The following CAPN7 variants were observed in gnomAD, a reference collection of about 807,000 sequenced individuals.
CAPN7 encodes calpain-7.
CAPN7 carries 72 observed loss-of-function variants against 115.2 expected under a neutral mutation model. That is an observed-to-expected ratio of 0.63 (90% confidence interval 0.52 to 0.76). The LOEUF (loss-of-function observed/expected upper bound fraction) is 0.76. CAPN7 is among the 30% of genes least tolerant of loss of function. The probability of loss-of-function intolerance (pLI) is 0.00; values close to 1 mark genes in which losing one functional copy is unlikely to be tolerated. For missense variants in CAPN7, 905 were observed against 971.5 expected (o/e 0.93, Z 0.91); for synonymous variants, 344 against 322.3 (o/e 1.07, Z -0.72).
At chr3:15,247,704 GAA>G (rs1290603258) in intron 19 of CAPN7, among the ~76,000 whole-genome samples, 1 of 152,016 alleles carries the variant, frequency 6.6e-6, no homozygotes, top group African/African-American at 2.4e-5. Context: ...ACCTAAATGT[GAA>G]AGGCAAAACA....
At position 15,217,531 on chromosome 3, in the gene CAPN7, TGAA is replaced by T. The variant is rs1465734282; in HGVS notation, c.321_323del (p.Glu107del). 1.2e-6 allele frequency: 2 copies of T among 1,613,932 alleles called. No homozygotes were observed. Among genetic ancestry groups the T allele is most frequent in the Non-Finnish European group, 1.7e-6 (2 of 1,179,900 alleles). ...TTGATGAAGATGAAAAAGAGAATGT[TGAA>T]GATGCTATAGAATTGTACACAGAAG... On this transcript the variant is annotated inframe_deletion, in exon 3 of 21. Coordinates refer to ENST00000253693, the MANE Select transcript of CAPN7 (RefSeq NM_014296.3).
chr3:15,210,352 T>C (rs2044861248), intron 1 of CAPN7, among the ~76,000 whole-genome samples: 1 of 152,188 alleles, frequency 6.6e-6, no homozygotes, highest in Admixed American at 6.5e-5. Flanking sequence ...ATATGTGTAT[T>C]ATATACTTAT....
intron 9 of CAPN7, among the ~76,000 whole-genome samples, chr3:15,231,750 G>A (rs4117790): frequency 2.0e-4 from 30 of 152,044 alleles, no homozygotes; most frequent in African/African-American, 6.5e-4. Flanking sequence ...GGATGGTCTC[G>A]ATCTCCTGAC....
chr3:15,243,608 G>A (rs1048637445), intron 16 of CAPN7, among the ~76,000 whole-genome samples: 9 of 152,136 alleles, frequency 5.9e-5, no homozygotes, highest in Admixed American at 2.0e-4. Flanking sequence ...TGATGAAACA[G>A]TGAGGTTTCA....
At chr3:15,208,651 A>G (rs918146495) in intron 1 of CAPN7, among the ~76,000 whole-genome samples, 4 of 152,024 alleles carry the variant, frequency 2.6e-5, no homozygotes, top group African/African-American at 9.7e-5. Context: ...TTGTTTTTTC[A>G]ACATCATAAG....
intron 2 of CAPN7, among the ~76,000 whole-genome samples, chr3:15,212,483 A>T (rs538954284): frequency 1.1e-4 from 17 of 152,336 alleles, no homozygotes; most frequent in South Asian, 1.0e-3. Context: ...ACAATTTATC[A>T]TTGGCAAAGT....
rs1696044132 is a variant in CAPN7 at position 15,252,474 on chromosome 3, T to G, written c.*1214T>G. 1 of 152,486 alleles carries G rather than the reference T, an allele frequency of 6.6e-6. No homozygotes were observed. Among genetic ancestry groups the G allele is most frequent in the Admixed American group, 6.5e-5 (1 of 15,290 alleles). 9.4% of individuals were successfully genotyped at this position (152,486 alleles called of 1,614,324 possible). ...TTTCACTTTGGTAAATACTTCATGCTTTCAGTTTTAGCCTATTAATTTTAG... is the reference window on the plus strand; with the variant it reads ...TTTCACTTTGGTAAATACTTCATGCGTTCAGTTTTAGCCTATTAATTTTAG... On this transcript the variant is annotated 3_prime_UTR_variant, in exon 21 of 21. Coordinates refer to ENST00000253693, the MANE Select transcript of CAPN7 (RefSeq NM_014296.3).
At chr3:15,213,153 C>A (rs1363411261) in intron 2 of CAPN7, among the ~76,000 whole-genome samples, 1 of 152,190 alleles carries the variant, frequency 6.6e-6, no homozygotes, top group Non-Finnish European at 1.5e-5. Context: ...AAGGAACTTT[C>A]TTTTCCCAGC....
chr3:15,222,055 A>G (rs1694031223), intron 5 of CAPN7, among the ~76,000 whole-genome samples: 1 of 148,698 alleles, frequency 6.7e-6, no homozygotes, highest in Admixed American at 6.7e-5. Flanking sequence ...TTTCTTTGAA[A>G]GGTTTTACAT....
At chr3:15,207,676 G>A (rs2044707677) in intron 1 of CAPN7, among the ~76,000 whole-genome samples, 2 of 149,880 alleles carry the variant, frequency 1.3e-5, no homozygotes, top group Non-Finnish European at 3.0e-5. Context: ...AAAAACTAAG[G>A]CACACGTTAG....
In CAPN7 at chr3:15,216,658, A is replaced by G. The variant is rs1183656720; in HGVS notation, c.212-767A>G. Among the ~76,000 whole-genome samples, 3 of 152,204 alleles carry G rather than the reference A, an allele frequency of 2.0e-5. No homozygotes were observed. The East Asian group carries it at 5.8e-4, about 29-fold the overall frequency. On this transcript the variant is annotated intron_variant, in intron 2 of 20. Coordinates refer to ENST00000253693, the MANE Select transcript of CAPN7 (RefSeq NM_014296.3). ...GAACTTTATCATCAGAGCCTAGTATATTACACAATTTTGTCTGTGCAGAAA... is the reference window on the plus strand; with the variant it reads ...GAACTTTATCATCAGAGCCTAGTATGTTACACAATTTTGTCTGTGCAGAAA...
At position 15,245,521 on chromosome 3, in the gene CAPN7, T is replaced by A; in HGVS notation, c.1865-5T>A. On this transcript the variant is annotated splice_polypyrimidine_tract_variant and splice_region_variant and intron_variant, in intron 16 of 20. Transcript: ENST00000253693. ...TTTTCTCTAAGCCTACTTGTTTGTT[T>A]GCAGCTGACCCACCTCCATACATTG... 2 of 1,609,366 alleles carry A rather than the reference T, an allele frequency of 1.2e-6. No homozygotes were observed. Among genetic ancestry groups the A allele is most frequent in the Non-Finnish European group, 8.5e-7 (1 of 1,178,302 alleles).
chr3:15,215,420 G>A (rs1211575439), intron 2 of CAPN7, among the ~76,000 whole-genome samples: 1 of 152,146 alleles, frequency 6.6e-6, no homozygotes, highest in Non-Finnish European at 1.5e-5. Context: ...CCAGAGTTGT[G>A]CAGTCATCCC....
intron 19 of CAPN7, among the ~76,000 whole-genome samples, chr3:15,249,604 T>A (rs1165769428): frequency 6.9e-6 from 1 of 145,918 alleles, no homozygotes; most frequent in African/African-American, 2.8e-5. Context: ...TTAAGAGTTT[T>A]TTTCTAAATT....
chr3:15,208,622 C>T (rs1377537935), intron 1 of CAPN7, among the ~76,000 whole-genome samples: 2 of 152,114 alleles, frequency 1.3e-5, no homozygotes, highest in East Asian at 3.8e-4. Context: ...TTTACAGACT[C>T]TTGGGCATTC....
chr3:15,249,514 T>G (rs1695874577), intron 19 of CAPN7, among the ~76,000 whole-genome samples: 1 of 152,212 alleles, frequency 6.6e-6, no homozygotes, highest in Non-Finnish European at 1.5e-5. Flanking sequence ...TTTCACCATA[T>G]TCTGATTATT....
intron 6 of CAPN7, among the ~76,000 whole-genome samples, chr3:15,227,107 G>GT (rs1193912128): frequency 1.1e-4 from 14 of 122,154 alleles, no homozygotes; most frequent in Non-Finnish European, 2.3e-4. Context: ...GACCTCAACT[G>GT]TTAAAAAAAA....
chr3:15,230,607 C>A (rs1694626786), intron 9 of CAPN7, 72 bp downstream of exon 9: 2 of 887,006 alleles, frequency 2.3e-6, no homozygotes, highest in Non-Finnish European at 3.7e-6. Flanking sequence ...TGAGTGAAAT[C>A]ATTAAGAAAT....
chr3:15,217,696 AT>A, intron 3 of CAPN7, 114 bp downstream of exon 3: 1 of 802,106 alleles, frequency 1.2e-6, no homozygotes, highest in Non-Finnish European at 1.8e-6. Context: ...AAAAAAAATT[AT>A]TTTAAATGTA....
Sources: allele counts gnomAD v4.1 joint callset (sites outside exome capture counted in the v4.1 genomes callset), GRCh38; gene constraint gnomAD v4.1.1; transcripts MANE v1.5; gene names NCBI Gene and HGNC (gene_info 2026-07-23, HGNC 2026-07-21).